The following PTPRG variants were observed in gnomAD, a reference collection of about 807,000 sequenced individuals.
PTPRG encodes the protein protein tyrosine phosphatase receptor type G.
A neutral mutation model predicts 165.3 loss-of-function variants in PTPRG; 102 were observed. That is an observed-to-expected ratio of 0.62 (90% CI 0.53 to 0.73). The LOEUF (loss-of-function observed/expected upper bound fraction) is 0.73, where lower values mean the gene tolerates loss of function less well. Ranked by LOEUF, PTPRG falls within the 30% of genes least tolerant of loss-of-function variation. The pLI is 0.00. For synonymous variants in PTPRG, 675 were observed against 669.5 expected (o/e 1.01, Z -0.13); for missense variants, 1,866 against 1,861.4 (o/e 1.00, Z -0.05).
In PTPRG at chr3:62,069,684, T is replaced by TCTCA. The variant is rs542306888; in HGVS notation, c.520-8478_520-8477insTCAC. ...CTCTCTCTCTCTCTCTCTCTCTCTC[T>TCTCA]CACACACAGACACACGCACACACAC... On this transcript the variant is annotated intron_variant, in intron 4 of 29. Coordinates refer to ENST00000474889, the MANE Select transcript of PTPRG (RefSeq NM_002841.4). 2.0e-4 allele frequency among the ~76,000 whole-genome samples: 29 copies of TCTCA among 145,060 alleles called. 1 individual carries two copies. Among genetic ancestry groups the TCTCA allele is most frequent in the East Asian group, 6.6e-4 (3 of 4,524 alleles).
At chr3:62,107,963 A>T (rs930952257) in intron 5 of PTPRG, among the ~76,000 whole-genome samples, 2 of 152,066 alleles carry the variant, frequency 1.3e-5, no homozygotes. Context: ...TTAGTCATTT[A>T]TTACCTCTCA....
At chr3:62,277,131 C>A in intron 25 of PTPRG, 83 bp downstream of exon 25, 1 of 1,041,544 alleles carries the variant, frequency 9.6e-7, no homozygotes, top group Non-Finnish European at 1.4e-6. Flanking sequence ...TGACTGATGT[C>A]ATTTTTGAAA....
At chr3:61,951,754 T>C (rs1274487327) in intron 2 of PTPRG, among the ~76,000 whole-genome samples, 1 of 152,234 alleles carries the variant, frequency 6.6e-6, no homozygotes, top group Non-Finnish European at 1.5e-5. Flanking sequence ...CTGTTGCTGA[T>C]GGGGTTACTT....
At chr3:61,974,935 CACCAGTACCA>C (rs1426273988) in intron 2 of PTPRG, among the ~76,000 whole-genome samples, 1 of 152,142 alleles carries the variant, frequency 6.6e-6, no homozygotes, top group Non-Finnish European at 1.5e-5. Context: ...CCTAACTGCC[CACCAGTACCA>C]ACCATTTAAA....
In PTPRG at chr3:62,213,837, GTTTTA is replaced by G. The variant is rs1472692856; in HGVS notation, c.2156-5011_2156-5007del. On this transcript the variant is annotated intron_variant, in intron 12 of 29. Coordinates refer to ENST00000474889, the MANE Select transcript of PTPRG (RefSeq NM_002841.4). This position sits in a 1 kb window ranked among gnomAD's most constrained non-coding sequence, Gnocchi z 4.4. ...GTTGTAGTAGTCCTAGCAGCTTGCT[GTTTTA>G]TTAGGGCCACAAATTGAGTCAGGGA... Among the ~76,000 whole-genome samples, 2 of 152,148 alleles carry G rather than the reference GTTTTA, an allele frequency of 1.3e-5. No homozygotes were observed. The highest frequency in any genetic ancestry group is 4.8e-5 in the African/African-American group (2 of 41,438).
intron 1 of PTPRG, among the ~76,000 whole-genome samples, chr3:61,680,209 AG>A (rs1703383122): frequency 6.6e-6 from 1 of 152,126 alleles, no homozygotes; most frequent in African/African-American, 2.4e-5. Flanking sequence ...AATTATTAAC[AG>A]TGCCCCCTTT....
chr3:61,832,697 A>G lies in PTPRG; in HGVS notation c.190+83715A>G, dbSNP rs1242850563. Among the ~76,000 whole-genome samples the G allele has an allele frequency of 3.3e-5, 5 of 152,258 alleles. No individual in the cohort carries two copies. The East Asian group carries it at 5.8e-4, about 18-fold the overall frequency. ...GTTTTTACTTACTTTTTTAAAAAAA[A>G]TATTTATTTCTAGTTTGTATTTCAG... On this transcript the variant is annotated intron_variant, in intron 2 of 29. Transcript: ENST00000474889.
chr3:62,159,404 G>C (rs1576077007), intron 7 of PTPRG, among the ~76,000 whole-genome samples: 1 of 152,174 alleles, frequency 6.6e-6, no homozygotes, highest in Non-Finnish European at 1.5e-5. Context: ...AGAATTCCAT[G>C]TAAGGAGAGG....
intron 2 of PTPRG, among the ~76,000 whole-genome samples, chr3:61,838,315 T>A (rs1013546598): frequency 2.0e-5 from 3 of 152,230 alleles, no homozygotes; most frequent in African/African-American, 7.2e-5. Flanking sequence ...ACCCTAGAAG[T>A]TGGGCCTGAC....
At chr3:61,823,532 G>T (rs1320791344) in intron 2 of PTPRG, among the ~76,000 whole-genome samples, 1 of 151,274 alleles carries the variant, frequency 6.6e-6, no homozygotes. Flanking sequence ...CATTGCAGAG[G>T]AGCAAGTAGA....
At chr3:62,287,496 C>CATTA (rs1702710262) in intron 28 of PTPRG, among the ~76,000 whole-genome samples, 1 of 151,834 alleles carries the variant, frequency 6.6e-6, no homozygotes, top group South Asian at 2.1e-4. Flanking sequence ...TGAGAAAATA[C>CATTA]ATTAATTCAT....
intron 5 of PTPRG, among the ~76,000 whole-genome samples, chr3:62,106,614 C>A (rs1702482427): frequency 6.6e-6 from 1 of 151,948 alleles, no homozygotes; most frequent in East Asian, 1.9e-4. Flanking sequence ...GCAGTCCTCC[C>A]ACACCAGCCT....
At chr3:62,272,772 G>C (rs1429670141) in intron 21 of PTPRG, among the ~76,000 whole-genome samples, 174 bp from the exon 22 acceptor site, 1 of 152,144 alleles carries the variant, frequency 6.6e-6, no homozygotes, top group Non-Finnish European at 1.5e-5. Flanking sequence ...GGGAGGCGGA[G>C]GTTGCAGTGA....
At chr3:62,293,063 G>C (rs1368933319) in intron 29 of PTPRG, 98 bp from the exon 30 acceptor site, 11 of 1,032,912 alleles carry the variant, frequency 1.1e-5, no homozygotes, top group Non-Finnish European at 1.5e-5. Context: ...TGTTTCTCTA[G>C]TGTGTTTTTC....
At chr3:61,817,559 A>G (rs1034177141) in intron 2 of PTPRG, among the ~76,000 whole-genome samples, 1 of 152,252 alleles carries the variant, frequency 6.6e-6, no homozygotes. Flanking sequence ...CTCACAAACA[A>G]TATCTGTAAT....
intron 12 of PTPRG, among the ~76,000 whole-genome samples, chr3:62,204,201 C>T (rs1700169368): frequency 6.6e-6 from 1 of 152,130 alleles, no homozygotes; most frequent in Non-Finnish European, 1.5e-5. Flanking sequence ...GGAATAACTC[C>T]AGGGACTTCA....
At position 62,231,679 on chromosome 3, in the gene PTPRG, T is replaced by C. The variant is rs190233711; in HGVS notation, c.2375+368T>C. On this transcript the variant is annotated intron_variant, in intron 14 of 29. Coordinates refer to ENST00000474889, the MANE Select transcript of PTPRG (RefSeq NM_002841.4). ...GGTTTTGAGCTTTTAAAAAAACATA[T>C]AATGCATGCATATAGCCTTATGTGA... Among the ~76,000 whole-genome samples the C allele has an allele frequency of 2.8e-4, 43 of 152,280 alleles. No homozygotes were observed. The East Asian group carries it at 6.7e-3, about 24-fold the overall frequency.
intron 26 of PTPRG, among the ~76,000 whole-genome samples, chr3:62,280,479 G>T (rs1308932681): frequency 6.6e-6 from 1 of 151,970 alleles, no homozygotes; most frequent in Non-Finnish European, 1.5e-5. Context: ...ATGAAAAGAT[G>T]CTCAATCTCA....
chr3:61,702,628 C>A (rs1411719845), intron 1 of PTPRG, among the ~76,000 whole-genome samples: 2 of 152,308 alleles, frequency 1.3e-5, no homozygotes, highest in East Asian at 3.9e-4. Context: ...GGCTGCCTTG[C>A]AGATCAAGAT....
Sources: gnomAD v4.1 joint callset for allele counts (sites outside exome capture counted in the v4.1 genomes callset) on GRCh38, gnomAD v4.1.1 for gene constraint, Gnocchi (gnomAD v3.1) non-coding constraint, MANE v1.5 for transcripts, NCBI Gene and HGNC (gene_info 2026-07-23, HGNC 2026-07-21) for gene names.